Variants in ARHGAP6 observed in about 807,000 individuals in gnomAD.
ARHGAP6 encodes Rho GTPase activating protein 6.
A neutral mutation model predicts 55.7 loss-of-function variants in ARHGAP6; 16 were observed. The ratio of observed to expected loss-of-function variants is 0.29; its 90% CI spans 0.19 to 0.44. The LOEUF (loss-of-function observed/expected upper bound fraction) is 0.44. Among genes scored for constraint, ARHGAP6 ranks in the 20% least tolerant of loss-of-function variants. ARHGAP6 has a pLI of 1.00. For synonymous variants in ARHGAP6, 382 were observed against 360.9 expected (o/e 1.06, Z -0.66); for missense variants, 698 against 808.9 (o/e 0.86, Z 1.66).
intron 2 of ARHGAP6, among the ~76,000 whole-genome samples, chrX:11,198,976 C>T (rs766506073): frequency 8.9e-6 from 1 of 112,190 alleles, no homozygotes; most frequent in Admixed American, 9.5e-5. Flanking sequence ...TCTGTTCATG[C>T]ATTTGTAAAG....
In ARHGAP6 at chrX:11,138,821, G is replaced by A. The variant is rs2045578675; in HGVS notation, c.*42C>T. 1 of 1,144,925 alleles carries A rather than the reference G, an allele frequency of 8.7e-7. No individual in the cohort carries two copies. The highest frequency in any genetic ancestry group is 1.2e-6 in the Non-Finnish European group (1 of 863,547). The allele number at this position is 1,144,925 out of a possible 1,213,427, so 94.4% of individuals were successfully genotyped here. A position where few individuals can be genotyped will look rare whatever the true frequency, so the allele number is the denominator to read the frequency against. ...ACCCACGGTCCCCCCTGGGCTGGAGGGCGGGGGGCTCGGGGCAGGGGGGGC... is the reference window on the plus strand; with the variant it reads ...ACCCACGGTCCCCCCTGGGCTGGAGAGCGGGGGGCTCGGGGCAGGGGGGGC... On this transcript the variant is annotated 3_prime_UTR_variant, in exon 13 of 13. Transcript: ENST00000337414.
intron 1 of ARHGAP6, among the ~76,000 whole-genome samples, chrX:11,634,076 ATTTT>A (rs35973352): frequency 2.2e-5 from 2 of 90,791 alleles, no homozygotes; most frequent in Admixed American, 1.2e-4. Context: ...GTGCTTGGCT[ATTTT>A]TTTTTTTTTT....
At chrX:11,306,212 T>A (rs2048236749) in intron 1 of ARHGAP6, among the ~76,000 whole-genome samples, 1 of 112,304 alleles carries the variant, frequency 8.9e-6, no homozygotes, top group African/African-American at 3.2e-5. Context: ...CAATGTCACC[T>A]CTTCTAGAAA....
chrX:11,263,130 G>T (rs1412758505), intron 1 of ARHGAP6, among the ~76,000 whole-genome samples: 1 of 110,705 alleles, frequency 9.0e-6, no homozygotes, highest in Non-Finnish European at 1.9e-5. Context: ...GTGTCATGAG[G>T]GTGGATCCCT....
chrX:11,208,485 G>A (rs2046741282), intron 2 of ARHGAP6, among the ~76,000 whole-genome samples: 1 of 111,692 alleles, frequency 9.0e-6, no homozygotes, highest in Non-Finnish European at 1.9e-5. Flanking sequence ...CAGAATAAGA[G>A]CTGAATAAGA....
At chrX:11,467,654 A>T (rs2147823261) in intron 1 of ARHGAP6, among the ~76,000 whole-genome samples, 1 of 111,915 alleles carries the variant, frequency 8.9e-6, no homozygotes, top group East Asian at 2.8e-4. Context: ...AAAAGGGTAC[A>T]CTGTAGATAT....
chrX:11,161,095 G>C (rs1360817661), intron 9 of ARHGAP6, among the ~76,000 whole-genome samples: 1 of 112,007 alleles, frequency 8.9e-6, no homozygotes, highest in African/African-American at 3.2e-5. Context: ...TGGAGTCAGT[G>C]GGAAAATGAG....
intron 1 of ARHGAP6, among the ~76,000 whole-genome samples, chrX:11,598,463 A>ATATAG (rs1424984838): frequency 1.8e-5 from 2 of 111,853 alleles, no homozygotes; most frequent in African/African-American, 6.5e-5. Context: ...CAGTGAGCAA[A>ATATAG]GTACCCAATA....
chrX:11,427,561 T>C, intron 1 of ARHGAP6: 1 of 921,696 alleles, frequency 1.1e-6, no homozygotes, highest in Non-Finnish European at 1.4e-6. Flanking sequence ...GTAGTGCAGC[T>C]GGGGCTTCTC....
intron 1 of ARHGAP6, among the ~76,000 whole-genome samples, chrX:11,533,307 A>C (rs2051071610): frequency 8.9e-6 from 1 of 111,888 alleles, no homozygotes; most frequent in Admixed American, 9.5e-5. Context: ...TGTGTAATAT[A>C]ATCCTTTACT....
At chrX:11,287,544 C>T (rs927735117) in intron 1 of ARHGAP6, among the ~76,000 whole-genome samples, 2 of 112,150 alleles carry the variant, frequency 1.8e-5, no homozygotes, top group African/African-American at 6.5e-5. Flanking sequence ...TACAAATGCT[C>T]AGTGCTTTGC....
intron 1 of ARHGAP6, among the ~76,000 whole-genome samples, chrX:11,630,156 TGATA>T (rs2147174435): frequency 9.0e-6 from 1 of 111,546 alleles, no homozygotes; most frequent in South Asian, 3.8e-4. Flanking sequence ...TATATATATA[TGATA>T]GATAGATAGA....
In ARHGAP6 at chrX:11,174,622, CTTTTCTTTCTTTCTTTCTTT is replaced by C. The variant is rs1488328690; in HGVS notation, c.1629+3458_1629+3477del. Among the ~76,000 whole-genome samples the C allele has an allele frequency of 5.1e-4, 26 of 50,762 alleles. No homozygotes were observed. The East Asian group carries it at 0.011, about 21-fold the overall frequency. The allele number at this position is 50,762 out of a possible 115,157, so 44.1% of individuals were successfully genotyped here. On this transcript the variant is annotated intron_variant, in intron 8 of 12. Coordinates refer to ENST00000337414, the MANE Select transcript of ARHGAP6 (RefSeq NM_013427.3). Reference sequence around the variant, plus strand: ...TTTCTTTCTTTCTTTCTTTCTCTTTCTTTTCTTTCTTTCTTTCTTTCTTTCTTTCTTTCTTTCTTTCTTTC... The same window carrying C: ...TTTCTTTCTTTCTTTCTTTCTCTTTCCTTTCTTTCTTTCTTTCTTTCTTTC...
chrX:11,599,115 CGT>C (rs1032212990), intron 1 of ARHGAP6, among the ~76,000 whole-genome samples: 2 of 110,640 alleles, frequency 1.8e-5, no homozygotes, highest in Admixed American at 1.9e-4. Flanking sequence ...AGTAATAAAC[CGT>C]GTGTCTGTGT....
chrX:11,399,657 A>G (rs753429927), intron 1 of ARHGAP6, among the ~76,000 whole-genome samples: 6 of 112,168 alleles, frequency 5.3e-5, no homozygotes, highest in African/African-American at 1.9e-4. Context: ...CACTTTGGAA[A>G]ACTGTCTGGC....
chrX:11,229,606 A>C (rs1281196527), intron 2 of ARHGAP6, among the ~76,000 whole-genome samples: 2 of 112,031 alleles, frequency 1.8e-5, no homozygotes. Flanking sequence ...TTTAATGTGC[A>C]GTTTTTGCAC....
At chrX:11,202,927 T>C (rs942383390) in intron 2 of ARHGAP6, among the ~76,000 whole-genome samples, 1 of 109,059 alleles carries the variant, frequency 9.2e-6, no homozygotes, top group African/African-American at 3.3e-5. Flanking sequence ...GACAGCCTTG[T>C]TCCAAATCTA....
intron 1 of ARHGAP6, among the ~76,000 whole-genome samples, chrX:11,540,569 TGAGA>T (rs1410096612): frequency 1.8e-5 from 2 of 111,573 alleles, no homozygotes; most frequent in African/African-American, 6.5e-5. Flanking sequence ...CCCCCCAGCT[TGAGA>T]GAGTCTTAGA....
At chrX:11,556,286 G>A (rs2051319713) in intron 1 of ARHGAP6, among the ~76,000 whole-genome samples, 1 of 111,572 alleles carries the variant, frequency 9.0e-6, no homozygotes, top group Non-Finnish European at 1.9e-5. Context: ...TGAGTAGTGG[G>A]CCAAGATCCA....
Sources: allele counts gnomAD v4.1 joint callset (sites outside exome capture counted in the v4.1 genomes callset), GRCh38; gene constraint gnomAD v4.1.1; transcripts MANE v1.5; gene names NCBI Gene and HGNC (gene_info 2026-07-23, HGNC 2026-07-21).